The following CALCR variants were observed in gnomAD, a reference collection of about 807,000 sequenced individuals.
CALCR encodes calcitonin receptor.
A neutral mutation model predicts 59.5 loss-of-function variants in CALCR; 47 were observed. The observed-to-expected ratio is 0.79, with a 90% CI of 0.63 to 1.01. The LOEUF is 1.01. Ranked by LOEUF, CALCR falls within the 50% of genes least tolerant of loss-of-function variation. CALCR has a pLI of 0.00. For synonymous variants in CALCR, 213 were observed against 211.3 expected, an observed-to-expected ratio of 1.01 and a Z score of -0.07; for missense variants, 566 against 597.1, an observed-to-expected ratio of 0.95 and a Z score of 0.54.
chr7:93,497,403 G>T (rs1050074207), intron 2 of CALCR, among the ~76,000 whole-genome samples: 1 of 151,516 alleles, frequency 6.6e-6, no homozygotes, highest in Non-Finnish European at 1.5e-5. Flanking sequence ...TACCATGCTA[G>T]ATTCTTACAT....
chr7:93,535,455 C>A (rs1470885681), intron 2 of CALCR, among the ~76,000 whole-genome samples: 3 of 151,736 alleles, frequency 2.0e-5, no homozygotes, highest in Non-Finnish European at 3.0e-5. Flanking sequence ...CTTAAGCACA[C>A]CTTTCACGAG....
chr7:93,514,329 A>G (rs183987405), intron 2 of CALCR, among the ~76,000 whole-genome samples: 1 of 152,218 alleles, frequency 6.6e-6, no homozygotes, highest in East Asian at 1.9e-4. Flanking sequence ...GGTTGGCCAC[A>G]TATTTAGAGT....
At chr7:93,441,762 T>A (rs1388029766) in intron 9 of CALCR, among the ~76,000 whole-genome samples, 1 of 152,060 alleles carries the variant, frequency 6.6e-6, no homozygotes, top group Non-Finnish European at 1.5e-5. Flanking sequence ...ATCTGGTGAA[T>A]ATCCTAGACA....
intron 2 of CALCR, among the ~76,000 whole-genome samples, chr7:93,529,636 T>C (rs1788779860): frequency 6.6e-6 from 1 of 152,174 alleles, no homozygotes; most frequent in Non-Finnish European, 1.5e-5. Context: ...TTGTCTTTAT[T>C]TCTTCTAATT....
At chr7:93,565,764 C>T (rs1034489639) in intron 2 of CALCR, among the ~76,000 whole-genome samples, 2 of 152,108 alleles carry the variant, frequency 1.3e-5, no homozygotes, top group Non-Finnish European at 2.9e-5. Flanking sequence ...TATTATGTAC[C>T]CTGTGCCATG....
chr7:93,466,460 T>C (rs1208240808), intron 7 of CALCR, among the ~76,000 whole-genome samples: 2 of 152,016 alleles, frequency 1.3e-5, no homozygotes, highest in East Asian at 1.9e-4. Flanking sequence ...ATATTTTTAG[T>C]TTGGGTAAGG....
intron 7 of CALCR, chr7:93,462,199 G>T (rs916986758): frequency 1.4e-5 from 9 of 647,500 alleles, no homozygotes; most frequent in Non-Finnish European, 2.3e-5. Flanking sequence ...TTCGGGAAGC[G>T]ATTATAGTAA....
intron 2 of CALCR, among the ~76,000 whole-genome samples, chr7:93,548,037 A>G (rs1789339829): frequency 6.6e-6 from 1 of 152,196 alleles, no homozygotes. Flanking sequence ...CTATGGAAAT[A>G]CTTTCTAAGG....
At chr7:93,430,521 A>G (rs1338796035) in intron 13 of CALCR, among the ~76,000 whole-genome samples, 3 of 152,162 alleles carry the variant, frequency 2.0e-5, no homozygotes, top group African/African-American at 4.8e-5. Flanking sequence ...AAGGGTAACA[A>G]TACCTAAGTA....
chr7:93,482,155 T>A (rs1357912742), intron 3 of CALCR, among the ~76,000 whole-genome samples: 1 of 151,876 alleles, frequency 6.6e-6, no homozygotes, highest in East Asian at 1.9e-4. Context: ...TTTGAAGGGA[T>A]TCCATGTTGA....
chr7:93,459,456 T>A (rs554542226), intron 8 of CALCR, among the ~76,000 whole-genome samples: 6 of 152,264 alleles, frequency 3.9e-5, no homozygotes, highest in African/African-American at 1.4e-4. Context: ...CTGGTTTTTG[T>A]TAGTTTGTAA....
chr7:93,525,289 A>G (rs1801853706), intron 2 of CALCR, among the ~76,000 whole-genome samples: 1 of 152,210 alleles, frequency 6.6e-6, no homozygotes, highest in Non-Finnish European at 1.5e-5. Flanking sequence ...GCTCCCTGCT[A>G]TACTTTTTTC....
chr7:93,520,215 G>T (rs58161557), intron 2 of CALCR, among the ~76,000 whole-genome samples: 1 of 151,968 alleles, frequency 6.6e-6, no homozygotes, highest in Non-Finnish European at 1.5e-5. Flanking sequence ...GTGAGATGAA[G>T]ATAGACCCTG....
intron 2 of CALCR, among the ~76,000 whole-genome samples, chr7:93,539,396 T>C (rs1789072188): frequency 6.6e-6 from 1 of 152,022 alleles, no homozygotes; most frequent in Admixed American, 6.6e-5. Context: ...GGATCTAGTA[T>C]TATATATCTG....
chr7:93,545,763 G>A (rs1789270610), intron 2 of CALCR, among the ~76,000 whole-genome samples: 1 of 151,870 alleles, frequency 6.6e-6, no homozygotes, highest in African/African-American at 2.4e-5. Context: ...TACTACCATG[G>A]GATCGACCTC....
chr7:93,481,209 T>G (rs1198884183), intron 3 of CALCR, among the ~76,000 whole-genome samples: 1 of 151,876 alleles, frequency 6.6e-6, no homozygotes, highest in Non-Finnish European at 1.5e-5. Flanking sequence ...ACATGGTATA[T>G]AACATAATAT....
intron 2 of CALCR, among the ~76,000 whole-genome samples, chr7:93,492,033 A>G (rs1248742364): frequency 6.6e-6 from 1 of 151,982 alleles, no homozygotes; most frequent in Admixed American, 6.6e-5. Context: ...CGTATAAAGA[A>G]AATGTGGTAC....
chr7:93,505,149 A>G (rs1160205680), intron 2 of CALCR, among the ~76,000 whole-genome samples: 5 of 151,826 alleles, frequency 3.3e-5, no homozygotes, highest in African/African-American at 4.9e-5. Context: ...ATAAGACTAG[A>G]TATAGCTAAG....
intron 2 of CALCR, among the ~76,000 whole-genome samples, chr7:93,532,639 G>T (rs1788868943): frequency 6.6e-6 from 1 of 151,748 alleles, no homozygotes; most frequent in Non-Finnish European, 1.5e-5. Flanking sequence ...ACACTGGAAT[G>T]GTTCCCTAAA....
Sources: allele counts gnomAD v4.1 joint callset (sites outside exome capture counted in the v4.1 genomes callset), GRCh38; gene constraint gnomAD v4.1.1; transcripts MANE v1.5; gene names NCBI Gene and HGNC (gene_info 2026-07-23, HGNC 2026-07-21).